Variants in ZFC3H1 observed in about 807,000 individuals in gnomAD.
ZFC3H1 encodes zinc finger C3H1-type containing.
A neutral mutation model predicts 243.7 loss-of-function variants in ZFC3H1; 71 were observed. That is an observed-to-expected ratio of 0.29 (90% CI 0.24 to 0.36). The LOEUF is 0.36. Among genes scored for constraint, ZFC3H1 ranks in the 10% least tolerant of loss-of-function variants. ZFC3H1 has a pLI of 1.00. For synonymous variants in ZFC3H1, 838 were observed against 813.0 expected (o/e 1.03, Z -0.52); for missense variants, 1,966 against 2,317.1 (o/e 0.85, Z 3.11).
At position 71,632,179 on chromosome 12, in the gene ZFC3H1, A is replaced by G; in HGVS notation, c.3153T>C (p.Asn1051=). 1 of 1,603,404 alleles carries G rather than the reference A, an allele frequency of 6.2e-7. No individual in the cohort carries two copies. Among genetic ancestry groups the G allele is most frequent in the Non-Finnish European group, 8.5e-7 (1 of 1,176,122 alleles). Residue 1051 remains asparagine (N), a synonymous_variant, in exon 15 of 35, where the codon AAT becomes AAC. Transcript: ENST00000378743. ...GCTTAAGGTTAGGTTTAGTAAAATA[A>G]TTGGATTCTAAAAAAGATCTTCTTC... The part of the protein sequence containing the change: ...RERRRSFLES[N]YFTKPNLKHT...
intron 24 of ZFC3H1, 62 bp downstream of exon 24, chr12:71,623,294 GTAGT>G: frequency 8.0e-7 from 1 of 1,247,392 alleles, no homozygotes. Flanking sequence ...ACAATAATGG[GTAGT>G]TAATGTTCTA....
chr12:71,650,613 G>A (rs951264493), intron 2 of ZFC3H1, among the ~76,000 whole-genome samples: 1 of 151,890 alleles, frequency 6.6e-6, no homozygotes, highest in African/African-American at 2.4e-5. Context: ...AAATTACACA[G>A]GAAAAGTAAT....
At chr12:71,658,150 C>G (rs76240607) in intron 1 of ZFC3H1, among the ~76,000 whole-genome samples, 1 of 152,064 alleles carries the variant, frequency 6.6e-6, no homozygotes, top group Admixed American at 6.5e-5. Flanking sequence ...TTAGAAACAG[C>G]TACAAAATTT....
In ZFC3H1 at chr12:71,628,979, T is replaced by A. The variant is rs766059146; in HGVS notation, c.3885A>T (p.Lys1295Asn). The A allele has an allele frequency of 1.9e-6, 3 of 1,613,294 alleles. No individual in the cohort carries two copies. Among genetic ancestry groups the A allele is most frequent in the Admixed American group, 1.7e-5 (1 of 59,948 alleles). ...KRKWKPKFWR[K>N]PISDNSFSSD... is the part of the protein sequence containing the mutation. ...TACTGAAGCTATTATCTGAAATAGG[T>A]TTTCTCCAAAACTTTGGCTTCCACT... is the stretch of plus-strand genomic sequence containing the variant. The change falls in exon 20 of 35, where the codon AAA becomes AAT. Residue 1295 changes from lysine (K) to asparagine (N), a missense_variant. This residue lies in a region of ZFC3H1 where 1,383 missense variants were observed against 1,723.7 expected (regional missense o/e 0.80). Coordinates refer to ENST00000378743, the MANE Select transcript of ZFC3H1 (RefSeq NM_144982.5).
intron 30 of ZFC3H1, among the ~76,000 whole-genome samples, chr12:71,613,955 A>G (rs1408318499): frequency 6.6e-6 from 1 of 152,204 alleles, no homozygotes; most frequent in African/African-American, 2.4e-5. Context: ...TTTTTAGCCT[A>G]TAATGCACTG....
chr12:71,644,243 TTC>T lies in ZFC3H1; in HGVS notation c.1353_1354del (p.Lys452ArgfsTer9), dbSNP rs1193914379. ...AGCTTGTTTCCGCTGATCCTCTTCT[TTC>T]TGTCTTTCCTGCTCTTTTTGTTGTT... is the stretch of plus-strand genomic sequence containing the variant. On this transcript the variant is annotated frameshift_variant, in exon 5 of 35. Coordinates refer to ENST00000378743, the MANE Select transcript of ZFC3H1 (RefSeq NM_144982.5). LOFTEE classifies it high-confidence loss of function. 5 of 1,612,992 alleles carry T rather than the reference TTC, an allele frequency of 3.1e-6. No individual in the cohort carries two copies. Among genetic ancestry groups the T allele is most frequent in the Non-Finnish European group, 3.4e-6 (4 of 1,179,372 alleles).
At chr12:71,643,616 T>C (rs1880655728) in intron 5 of ZFC3H1, among the ~76,000 whole-genome samples, 1 of 152,090 alleles carries the variant, frequency 6.6e-6, no homozygotes, top group Non-Finnish European at 1.5e-5. Flanking sequence ...AGACGACAAG[T>C]ATATTTATAT....
intron 30 of ZFC3H1, 66 bp from the exon 31 acceptor site, chr12:71,613,501 T>A: frequency 8.5e-7 from 1 of 1,174,478 alleles, no homozygotes; most frequent in South Asian, 1.5e-5. Flanking sequence ...ACCTATGTGT[T>A]TTAACACGAA....
In ZFC3H1 at chr12:71,634,762, C is replaced by T; in HGVS notation, c.2302G>A (p.Glu768Lys). 1 of 1,607,976 alleles carries T rather than the reference C, an allele frequency of 6.2e-7. No individual in the cohort carries two copies. Among genetic ancestry groups the T allele is most frequent in the Non-Finnish European group, 8.5e-7 (1 of 1,177,616 alleles). Residue 768 changes from glutamate (E) to lysine (K), a missense_variant, in exon 11 of 35, where the codon GAG becomes AAG. Transcript: ENST00000378743. ...EKENDPLRTP[E>K]ALPEEKKIEY... Reference sequence around the variant, plus strand: ...ATCTTCTTTTCTTCAGGCAAAGCCTCCGGTGTTCGCAGAGGATCATTTTCT... The same window carrying T: ...ATCTTCTTTTCTTCAGGCAAAGCCTTCGGTGTTCGCAGAGGATCATTTTCT...
Position 71,634,139 on chromosome 12 carries a change from A to C in ZFC3H1, c.2510+16T>G. ...ACCACAGGAACAATTAGATATGTGAAGATAACAAGGCTCACCTATGTTTTT... is the reference window on the plus strand; with the variant it reads ...ACCACAGGAACAATTAGATATGTGACGATAACAAGGCTCACCTATGTTTTT... On this transcript the variant is annotated intron_variant, in intron 12 of 34. Coordinates refer to ENST00000378743, the MANE Select transcript of ZFC3H1 (RefSeq NM_144982.5). 6.2e-7 allele frequency: 1 copy of C among 1,604,408 alleles called. No individual in the cohort carries two copies. Among genetic ancestry groups the C allele is most frequent in the South Asian group, 1.1e-5 (1 of 89,388 alleles).
At chr12:71,662,497 TC>T (rs150388437) in intron 1 of ZFC3H1, among the ~76,000 whole-genome samples, 1,215 of 103,518 alleles carry the variant, frequency 0.012, 17 homozygotes, top group East Asian at 0.038. Context: ...TTTTTACCCC[TC>T]CCCCCCCCAC....
chr12:71,617,092 G>A (rs765734201), intron 27 of ZFC3H1, among the ~76,000 whole-genome samples: 7 of 151,854 alleles, frequency 4.6e-5, no homozygotes, highest in Non-Finnish European at 1.0e-4. Flanking sequence ...TTCAACTCCA[G>A]GTAAAAATTA....
chr12:71,634,036 C>T, intron 12 of ZFC3H1, 119 bp downstream of exon 12: 1 of 1,020,956 alleles, frequency 9.8e-7, no homozygotes, highest in Non-Finnish European at 1.4e-6. Context: ...CTTCTACATT[C>T]TACAAAGTTT....
chr12:71,645,607 G>GA (rs150586348), intron 3 of ZFC3H1, among the ~76,000 whole-genome samples: 2,762 of 152,156 alleles, frequency 0.018, 70 homozygotes, highest in African/African-American at 0.062. Flanking sequence ...CTATTGAAGG[G>GA]AAAAATCTAT....
chr12:71,620,832 G>C (rs1194734317), intron 24 of ZFC3H1, among the ~76,000 whole-genome samples: 1 of 152,052 alleles, frequency 6.6e-6, no homozygotes, highest in Non-Finnish European at 1.5e-5. Context: ...ACGGTACAAT[G>C]TTTTACTTTG....
intron 7 of ZFC3H1, among the ~76,000 whole-genome samples, chr12:71,637,610 G>A (rs1191350293): frequency 6.6e-6 from 1 of 152,176 alleles, no homozygotes; most frequent in Non-Finnish European, 1.5e-5. Flanking sequence ...ATTTGGATAT[G>A]TATTTGCATC....
At position 71,614,633 on chromosome 12, in the gene ZFC3H1, T is replaced by C; in HGVS notation, c.5428A>G (p.Thr1810Ala). 1.2e-6 allele frequency: 2 copies of C among 1,613,478 alleles called. No homozygotes were observed. Among genetic ancestry groups the C allele is most frequent in the Non-Finnish European group, 1.7e-6 (2 of 1,179,666 alleles). The change falls in exon 30 of 35, where the codon ACT becomes GCT. Residue 1810 changes from threonine to alanine, a missense_variant. Physicochemically the swap from Thr to Ala is moderately conservative, Grantham distance 58. Around this residue, in one of 4 missense-constraint regions of ZFC3H1, gnomAD observed 1,383 missense variants for 1,723.7 expected, o/e 0.80. Transcript: ENST00000378743. ...RNKVQEFKFF[T>A]DLVNRCLVTV... is the part of the protein sequence containing the mutation. Reference sequence around the variant, plus strand: ...ACCAAACATCTATTCACTAAATCAGTAAAAAATTTGAATTCTTGAACTTTG... The same window carrying C: ...ACCAAACATCTATTCACTAAATCAGCAAAAAATTTGAATTCTTGAACTTTG...
chr12:71,642,340 T>C (rs1043484080), intron 6 of ZFC3H1, 96 bp downstream of exon 6: 16 of 1,367,126 alleles, frequency 1.2e-5, no homozygotes, highest in Middle Eastern at 3.9e-4. Flanking sequence ...AAATCTCACT[T>C]TCATTACACA....
chr12:71,654,269 G>T (rs1149020), intron 2 of ZFC3H1, among the ~76,000 whole-genome samples: 1 of 151,714 alleles, frequency 6.6e-6, no homozygotes, highest in Admixed American at 6.6e-5. Flanking sequence ...CTGAGACCCC[G>T]TCTCTACAGA....
Sources: allele counts gnomAD v4.1 joint callset (sites outside exome capture counted in the v4.1 genomes callset), GRCh38; gene constraint gnomAD v4.1.1; regional missense constraint gnomAD v4.1.1; transcripts MANE v1.5; gene names NCBI Gene and HGNC (gene_info 2026-07-23, HGNC 2026-07-21).